The following LIMS4 variants were observed in gnomAD, a reference collection of about 807,000 sequenced individuals.
LIMS4 encodes LIM zinc finger domain containing 4.
the LIMS4 span, chr2:110,359,197 T>TAAC: frequency 2.9e-5 from 4 of 140,148 alleles, no homozygotes; most frequent in East Asian, 8.9e-4. Flanking sequence ...ATGGAGTGTA[T>TAAC]AACACCTGAC....
chr2:110,366,969 A>AAC, the LIMS4 span, among the ~76,000 whole-genome samples: 1 of 148,690 alleles, frequency 6.7e-6, no homozygotes, highest in South Asian at 2.3e-4. Context: ...ACACACACAC[A>AAC]CACACACACA....
chr2:110,425,429 G>T, the LIMS4 span, among the ~76,000 whole-genome samples: 8 of 139,666 alleles, frequency 5.7e-5, 1 homozygote, highest in African/African-American at 3.1e-5. Flanking sequence ...TTTCTGGCAA[G>T]TTCCAGGTGG....
At chr2:110,371,250 A>AC in the LIMS4 span, among the ~76,000 whole-genome samples, 2 of 128,374 alleles carry the variant, frequency 1.6e-5, no homozygotes, top group African/African-American at 3.6e-5. Flanking sequence ...AAAAAAAAAA[A>AC]AAAAACAAGT....
chr2:110,383,114 G>A, the LIMS4 span: 1 of 41,036 alleles, frequency 2.4e-5, no homozygotes, highest in Non-Finnish European at 4.3e-5. Flanking sequence ...CGGAGTCGGC[G>A]GCTGTAGAGG....
the LIMS4 span, chr2:110,362,963 AT>A: frequency 5.1e-6 from 1 of 196,274 alleles, no homozygotes; most frequent in East Asian, 7.2e-5. Flanking sequence ...GCCAGGCTGG[AT>A]GCTGGCATCA....
At chr2:110,361,119 C>T in the LIMS4 span, 5 of 912,390 alleles carry the variant, frequency 5.5e-6, no homozygotes, top group South Asian at 5.5e-5. Flanking sequence ...ATTTCTGTTT[C>T]CTCCTCATTG....
the LIMS4 span, among the ~76,000 whole-genome samples, chr2:110,372,607 G>A: frequency 2.0e-5 from 3 of 148,752 alleles, no homozygotes; most frequent in Admixed American, 2.0e-4. Flanking sequence ...CTGGGTTCAA[G>A]CAATTCTCCT....
the LIMS4 span, chr2:110,386,388 A>AT: frequency 0.011 from 2,978 of 265,696 alleles, 2 homozygotes; most frequent in East Asian, 0.013. Flanking sequence ...TTTCCAGGGC[A>AT]TTTTTTTTTT....
chr2:110,392,356 G>A, the LIMS4 span, among the ~76,000 whole-genome samples: 5,625 of 149,984 alleles, frequency 0.038, 4 homozygotes, highest in East Asian at 0.13. Context: ...GGAGAATGGC[G>A]TGAACCTGGG....
chr2:110,392,079 C>A, the LIMS4 span, among the ~76,000 whole-genome samples: 1,135 of 151,704 alleles, frequency 7.5e-3, 6 homozygotes, highest in African/African-American at 0.027. Context: ...TGCGAAAATT[C>A]ATCACCTTGC....
the LIMS4 span, among the ~76,000 whole-genome samples, chr2:110,366,784 A>G: frequency 1.3e-5 from 2 of 151,636 alleles, no homozygotes; most frequent in Non-Finnish European, 2.9e-5. Context: ...TTTTATACCT[A>G]GAAAACCCCA....
intron 3 of LIMS4, among the ~76,000 whole-genome samples, chr2:110,456,490 C>G (rs1350868814): frequency 1.3e-5 from 2 of 152,302 alleles, no homozygotes; most frequent in East Asian, 1.9e-4. Flanking sequence ...GATAGGAGTC[C>G]TAGTTCATCC....
At chr2:110,385,176 G>C in the LIMS4 span, among the ~76,000 whole-genome samples, 1 of 150,058 alleles carries the variant, frequency 6.7e-6, no homozygotes, top group Admixed American at 6.6e-5. Context: ...TAAATAAATA[G>C]AAGCTCCAGT....
chr2:110,396,357 A>T, the LIMS4 span, among the ~76,000 whole-genome samples: 1 of 4,850 alleles, frequency 2.1e-4, no homozygotes, highest in Non-Finnish European at 4.3e-4. Flanking sequence ...GCAAGCAGGC[A>T]TTACTCATCT....
chr2:110,368,032 A>T, the LIMS4 span, among the ~76,000 whole-genome samples: 3 of 145,460 alleles, frequency 2.1e-5, no homozygotes, highest in African/African-American at 5.4e-5. Flanking sequence ...CGTAACATAT[A>T]TAAATATATA....
the LIMS4 span, among the ~76,000 whole-genome samples, chr2:110,390,941 G>T: frequency 6.6e-6 from 1 of 152,304 alleles, no homozygotes; most frequent in Non-Finnish European, 1.5e-5. Flanking sequence ...GAGGCTGGGG[G>T]CCACTTCATG....
chr2:110,401,409 C>T, the LIMS4 span, among the ~76,000 whole-genome samples: 81 of 121,228 alleles, frequency 6.7e-4, no homozygotes, highest in Admixed American at 5.8e-3. Flanking sequence ...GGCGTCTTCC[C>T]AGGTGCTGGC....
At chr2:110,411,434 T>C in the LIMS4 span, among the ~76,000 whole-genome samples, 1 of 137,490 alleles carries the variant, frequency 7.3e-6, no homozygotes, top group Admixed American at 7.5e-5. Context: ...AAAAAGATCA[T>C]ACTTGAAGAG....
chr2:110,379,243 G>GTTGC, the LIMS4 span, among the ~76,000 whole-genome samples: 1 of 151,644 alleles, frequency 6.6e-6, no homozygotes, highest in African/African-American at 2.4e-5. Flanking sequence ...TGGTTGGTTT[G>GTTGC]TTGCTTGCTT....
Sources: allele counts gnomAD v4.1 joint callset (sites outside exome capture counted in the v4.1 genomes callset), GRCh38; gene constraint gnomAD v4.1.1; transcripts MANE v1.5; gene names NCBI Gene and HGNC (gene_info 2026-07-23, HGNC 2026-07-21).